The following SLC6A2 variants were observed in gnomAD, a reference collection of about 807,000 sequenced individuals.
The protein encoded by SLC6A2 is sodium-dependent noradrenaline transporter.
In SLC6A2, 26 loss-of-function variants were observed where a neutral mutation model predicts 71.7. The ratio of observed to expected loss-of-function variants is 0.36; its 90% CI spans 0.27 to 0.50. SLC6A2 has a LOEUF of 0.50. Ranked by LOEUF, SLC6A2 falls within the 20% of genes least tolerant of loss-of-function variation. The pLI is 0.96. For synonymous variants in SLC6A2, 363 were observed against 337.9 expected (o/e 1.07, Z -0.82); for missense variants, 581 against 803.9 (o/e 0.72, Z 3.35).
chr16:55,690,955 C>T (rs550496212), intron 5 of SLC6A2, among the ~76,000 whole-genome samples: 1 of 152,200 alleles, frequency 6.6e-6, no homozygotes, highest in Non-Finnish European at 1.5e-5. Flanking sequence ...GGAGTAATCT[C>T]TTCCTTTGTG....
chr16:55,671,688 T>C (rs1426456361), intron 3 of SLC6A2: 14 of 690,818 alleles, frequency 2.0e-5, no homozygotes, highest in Non-Finnish European at 2.8e-5. Flanking sequence ...GTGCTCCTTA[T>C]GAGAATCTAA....
intron 4 of SLC6A2, among the ~76,000 whole-genome samples, chr16:55,681,887 C>A (rs1313404825): frequency 6.6e-6 from 1 of 152,154 alleles, no homozygotes; most frequent in Non-Finnish European, 1.5e-5. Context: ...TTGCCTTTAA[C>A]ACTTTAGTGT....
chr16:55,703,240 C>T lies in SLC6A2; in HGVS notation c.*894C>T. 5 of 985,512 alleles carry T rather than the reference C, an allele frequency of 5.1e-6. No individual in the cohort carries two copies. Among genetic ancestry groups the T allele is most frequent in the Non-Finnish European group, 6.0e-6 (5 of 830,006 alleles). 61.0% of individuals were successfully genotyped at this position (985,512 alleles called of 1,614,324 possible). The stretch of plus-strand genomic sequence containing the variant: ...TGCCTGGGGAAACGGGGGCAGGGAC[C>T]AAGTGAGGCCTCATGTGTGTCTTCA... On this transcript the variant is annotated 3_prime_UTR_variant, in exon 15 of 15. Coordinates refer to ENST00000568943, the MANE Select transcript of SLC6A2 (RefSeq NM_001172501.3).
chr16:55,660,205 C>A (rs1964573547), intron 2 of SLC6A2, among the ~76,000 whole-genome samples: 1 of 152,136 alleles, frequency 6.6e-6, no homozygotes, highest in Non-Finnish European at 1.5e-5. Flanking sequence ...TACATGGAAT[C>A]ATCTCAGAGA....
chr16:55,679,730 A>G (rs1965208297), intron 4 of SLC6A2, among the ~76,000 whole-genome samples: 1 of 152,214 alleles, frequency 6.6e-6, no homozygotes, highest in African/African-American at 2.4e-5. Context: ...GCCCAGAGCC[A>G]TGGATGCACC....
intron 2 of SLC6A2, among the ~76,000 whole-genome samples, chr16:55,664,498 A>G (rs1314707949): frequency 2.0e-5 from 3 of 152,156 alleles, no homozygotes; most frequent in Non-Finnish European, 4.4e-5. Flanking sequence ...TGCTCCACAA[A>G]GGGCCCAGCC....
intron 4 of SLC6A2, among the ~76,000 whole-genome samples, chr16:55,683,156 T>C (rs1480845395): frequency 6.6e-6 from 1 of 152,196 alleles, no homozygotes; most frequent in East Asian, 1.9e-4. Context: ...GTTTCAGCAG[T>C]CAGTCTTATT....
chr16:55,662,483 G>A (rs1421507970), intron 2 of SLC6A2, among the ~76,000 whole-genome samples: 1 of 152,118 alleles, frequency 6.6e-6, no homozygotes, highest in Non-Finnish European at 1.5e-5. Flanking sequence ...TTCCAATATT[G>A]GAGGTATTAA....
intron 11 of SLC6A2, 23 bp from the exon 12 acceptor site, chr16:55,699,531 A>T: frequency 6.3e-7 from 1 of 1,595,180 alleles, no homozygotes; most frequent in Non-Finnish European, 8.6e-7. Flanking sequence ...CCATGGTAAC[A>T]GGCCTGCCCT....
intron 4 of SLC6A2, among the ~76,000 whole-genome samples, chr16:55,682,217 A>G (rs1965295693): frequency 6.6e-6 from 1 of 152,140 alleles, no homozygotes; most frequent in Non-Finnish European, 1.5e-5. Flanking sequence ...ATATAAGTCT[A>G]TTAAGCAGCT....
intron 2 of SLC6A2, among the ~76,000 whole-genome samples, chr16:55,662,471 G>T (rs765191891): frequency 5.9e-5 from 9 of 152,138 alleles, no homozygotes; most frequent in Non-Finnish European, 1.2e-4. Flanking sequence ...TGTCATTTTT[G>T]ATTCCAATAT....
rs1276573547 is a variant in SLC6A2 at position 55,703,227 on chromosome 16, C to T, written c.*881C>T. On this transcript the variant is annotated 3_prime_UTR_variant, in exon 15 of 15. Coordinates refer to ENST00000568943, the MANE Select transcript of SLC6A2 (RefSeq NM_001172501.3). ...ACTTCCTGAGACCTGCCTGGGGAAA[C>T]GGGGGCAGGGACCAAGTGAGGCCTC... is the stretch of plus-strand genomic sequence containing the variant. 1.6e-5 allele frequency: 16 copies of T among 985,226 alleles called. No homozygotes were observed. In the African/African-American group the frequency reaches 2.6e-4, roughly 16 times the overall value. 61.0% of individuals were successfully genotyped at this position (985,226 alleles called of 1,614,324 possible). A position where few individuals can be genotyped will look rare whatever the true frequency, so the allele number is the denominator to read the frequency against.
At position 55,685,038 on chromosome 16, in the gene SLC6A2, C is replaced by T. The variant is rs765739992; in HGVS notation, c.645-105C>T. ...CTGAGTTAGGGGAGAGTGGCCAGGT[C>T]CTGTCTCCATCAGCATGCATTTGCA... On this transcript the variant is annotated intron_variant, in intron 4 of 14. Transcript: ENST00000568943. 310 of 1,140,164 alleles carry T rather than the reference C, an allele frequency of 2.7e-4. 2 individuals carry two copies. The highest frequency in any genetic ancestry group is 3.6e-4 in the Non-Finnish European group (279 of 770,554). 70.6% of individuals were successfully genotyped at this position (1,140,164 alleles called of 1,614,324 possible). A position where few individuals can be genotyped will look rare whatever the true frequency, so the allele number is the denominator to read the frequency against.
chr16:55,704,693 G>A lies in SLC6A2; in HGVS notation c.*2347G>A, dbSNP rs1221004380. 3.3e-5 allele frequency: 5 copies of A among 152,638 alleles called. No homozygotes were observed. Among genetic ancestry groups the A allele is most frequent in the African/African-American group, 1.2e-4 (5 of 41,460 alleles). The allele number at this position is 152,638 out of a possible 1,614,324, so 9.5% of individuals were successfully genotyped here. ...CATTAGAGCAGGGTCGTGCTTCCGAGAGAGCCTGCCATTTCCTCTTTGCCA... is the reference window on the plus strand; with the variant it reads ...CATTAGAGCAGGGTCGTGCTTCCGAAAGAGCCTGCCATTTCCTCTTTGCCA... On this transcript the variant is annotated 3_prime_UTR_variant, in exon 15 of 15. Coordinates refer to ENST00000568943, the MANE Select transcript of SLC6A2 (RefSeq NM_001172501.3).
At position 55,700,186 on chromosome 16, in the gene SLC6A2, C is replaced by T. The variant is rs368151884; in HGVS notation, c.1638C>T (p.Asp546=). ...SIINFKPLTY[D]DYIFPPWANW... is the part of the protein sequence containing the mutation. ...TCAACTTCAAGCCACTCACCTACGA[C>T]GACTACATCTTCCCGCCCTGGGCCA... The change falls in exon 13 of 15, where the codon GAC becomes GAT. Residue 546 remains aspartate, a synonymous_variant. Coordinates refer to ENST00000568943, the MANE Select transcript of SLC6A2 (RefSeq NM_001172501.3). 2.0e-4 allele frequency: 318 copies of T among 1,613,964 alleles called. No homozygotes were observed. Among genetic ancestry groups the T allele is most frequent in the Non-Finnish European group, 2.4e-4 (287 of 1,179,996 alleles).
At chr16:55,678,790 G>A (rs1328394638) in intron 4 of SLC6A2, among the ~76,000 whole-genome samples, 2 of 152,186 alleles carry the variant, frequency 1.3e-5, no homozygotes, top group Non-Finnish European at 2.9e-5. Context: ...TACACTTAAC[G>A]ATGATTCATT....
At chr16:55,687,780 G>C (rs955982005) in intron 5 of SLC6A2, among the ~76,000 whole-genome samples, 1 of 152,244 alleles carries the variant, frequency 6.6e-6, no homozygotes, top group Non-Finnish European at 1.5e-5. Context: ...GGTAGAGCCT[G>C]CCCCGTCTAG....
chr16:55,688,634 G>A (rs1567449189), intron 5 of SLC6A2, among the ~76,000 whole-genome samples: 1 of 152,170 alleles, frequency 6.6e-6, no homozygotes, highest in Non-Finnish European at 1.5e-5. Context: ...AGATTGCTGG[G>A]TCCCTCTTTG....
rs1966020544 is a variant in SLC6A2, at chr16:55,702,963, T to C, written c.*617T>C. On this transcript the variant is annotated 3_prime_UTR_variant, in exon 15 of 15. Coordinates refer to ENST00000568943, the MANE Select transcript of SLC6A2 (RefSeq NM_001172501.3). Reference sequence around the variant, plus strand: ...TTTGAGTAGAAACATTCATAGTTAATTTTCACTCTGGCCAATCTGAGTTTG... The same window carrying C: ...TTTGAGTAGAAACATTCATAGTTAACTTTCACTCTGGCCAATCTGAGTTTG... 4 of 988,264 alleles carry C rather than the reference T, an allele frequency of 4.0e-6. No homozygotes were observed. Among genetic ancestry groups the C allele is most frequent in the Non-Finnish European group, 4.8e-6 (4 of 831,770 alleles). 61.2% of individuals were successfully genotyped at this position (988,264 alleles called of 1,614,324 possible). A position where few individuals can be genotyped will look rare whatever the true frequency, so the allele number is the denominator to read the frequency against.
Sources: gnomAD v4.1 joint callset for allele counts (sites outside exome capture counted in the v4.1 genomes callset) on GRCh38, gnomAD v4.1.1 for gene constraint, MANE v1.5 for transcripts, NCBI Gene and HGNC (gene_info 2026-07-23, HGNC 2026-07-21) for gene names.